Variants in PCDH19 observed in about 807,000 individuals in gnomAD.
PCDH19 encodes protocadherin 19, also known as protocadherin-19.
Under a neutral mutation model 46.2 loss-of-function variants are expected in PCDH19, and 6 were observed. The ratio of observed to expected loss-of-function variants is 0.13; its 90% confidence interval spans 0.07 to 0.26. The LOEUF is 0.26. Ranked by LOEUF, PCDH19 falls within the 10% of genes least tolerant of loss-of-function variation. PCDH19 has a pLI of 1.00. For missense variants in PCDH19, 740 were observed against 972.3 expected, an observed-to-expected ratio of 0.76 and a Z score of 3.18; for synonymous variants, 481 against 415.7, an observed-to-expected ratio of 1.16 and a Z score of -1.91.
intron 5 of PCDH19, among the ~76,000 whole-genome samples, chrX:100,335,594 C>G (rs920919617): frequency 9.0e-6 from 1 of 111,646 alleles, no homozygotes; most frequent in African/African-American, 3.3e-5. Context: ...TTTTAATGGC[C>G]CCAAAATCTA....
intron 5 of PCDH19, among the ~76,000 whole-genome samples, chrX:100,337,808 T>C (rs1926130238): frequency 8.9e-6 from 1 of 111,839 alleles, no homozygotes; most frequent in Admixed American, 9.5e-5. Context: ...TAAAAGCTAT[T>C]ACTGCAAAGA....
intron 5 of PCDH19, among the ~76,000 whole-genome samples, chrX:100,322,850 TATATA>T (rs1925542030): frequency 3.4e-5 from 2 of 58,177 alleles, no homozygotes; most frequent in South Asian, 6.0e-4. Flanking sequence ...TATATATATA[TATATA>T]TATATATATA....
rs1925964905 is a variant in PCDH19 at position 100,333,189 on chromosome X, GAAAGAAAGAAAGAAAGAAAGAA to G, written c.2848+8692_2848+8713del. Among the ~76,000 whole-genome samples the G allele has an allele frequency of 4.2e-3, 301 of 70,901 alleles. 3 individuals are homozygous for G. The highest frequency in any genetic ancestry group is 0.014 in the African/African-American group (237 of 17,255). The allele number at this position is 70,901 out of a possible 115,157, so 61.6% of individuals were successfully genotyped here. On this transcript the variant is annotated intron_variant, in intron 5 of 5. Coordinates refer to ENST00000373034, the MANE Select transcript of PCDH19 (RefSeq NM_001184880.2). ...AGGAAGGAAGGGAGAGAGAGAGAAA[GAAAGAAAGAAAGAAAGAAAGAA>G]AGAAAGAAAGAAAGAAAGAAAGAAA...
At chrX:100,402,481 G>A (rs1928212689) in intron 3 of PCDH19, 43 bp downstream of exon 3, 1 of 1,083,204 alleles carries the variant, frequency 9.2e-7, no homozygotes, top group African/African-American at 1.8e-5. Context: ...AGCTAAAGAA[G>A]GAGACCTGGG....
intron 3 of PCDH19, among the ~76,000 whole-genome samples, chrX:100,377,365 GATAC>G (rs1286502117): frequency 4.5e-5 from 5 of 111,854 alleles, no homozygotes; most frequent in African/African-American, 1.6e-4. Context: ...AAATACGCCA[GATAC>G]TAAACTGTTT....
At chrX:100,372,339 G>C (rs1489995443) in intron 3 of PCDH19, among the ~76,000 whole-genome samples, 2 of 112,083 alleles carry the variant, frequency 1.8e-5, no homozygotes, top group Non-Finnish European at 3.8e-5. Context: ...GGGACACCTG[G>C]AGAACCCTAA....
At chrX:100,346,444 T>C (rs59522571) in intron 4 of PCDH19, among the ~76,000 whole-genome samples, 4,357 of 111,670 alleles carry the variant, frequency 0.039, 243 homozygotes, top group East Asian at 0.25. Context: ...ACAATCACCT[T>C]GGGAACCTGT....
rs1429555639 is a variant in PCDH19, at chrX:100,407,566, C to T, written c.1032G>A (p.Pro344=). 3.3e-6 allele frequency: 4 copies of T among 1,211,172 alleles called. No individual in the cohort carries two copies. The highest frequency in any genetic ancestry group is 3.4e-6 in the Non-Finnish European group (3 of 895,316). ...TGTTGACTGACAGCAGGTTGATGAC[C>T]GGCGGATTGTCATTGGTGTCCAGCA... ...VSVLDTNDNP[P]VINLLSVNSE... Residue 344 remains proline, a synonymous_variant, in exon 1 of 6, where the codon CCG becomes CCA. Coordinates refer to ENST00000373034, the MANE Select transcript of PCDH19 (RefSeq NM_001184880.2).
At chrX:100,377,736 C>T (rs1927430068) in intron 3 of PCDH19, among the ~76,000 whole-genome samples, 2 of 111,854 alleles carry the variant, frequency 1.8e-5, no homozygotes, top group Non-Finnish European at 3.8e-5. Context: ...CAGCACTGAA[C>T]ACAACTTAAC....
rs779136255 is a variant in PCDH19 at position 100,403,522 on chromosome X, A to ACCTCTTTCCCCTTAGGCTCACTTTCTC, written c.2263_2288+1dup. 3.2e-5 allele frequency: 38 copies of ACCTCTTTCCCCTTAGGCTCACTTTCTC among 1,200,396 alleles called. No homozygotes were observed. The highest frequency in any genetic ancestry group is 3.9e-5 in the Non-Finnish European group (35 of 892,197). On this transcript the variant is annotated splice_donor_variant, in intron 2 of 5. Transcript: ENST00000373034. LOFTEE classifies it high-confidence loss of function. The stretch of plus-strand genomic sequence containing the variant: ...TTTAAATGAGGGGAAATGCCTTTTT[A>ACCTCTTTCCCCTTAGGCTCACTTTCTC]CCTCTTTCCCCTTAGGCTCACTTTC...
rs752483386 is a variant in PCDH19 at position 100,371,409 on chromosome X, AG to A, written c.2617-20706del. ...CCTGTACTTTGGGCTCCAAAAGGGTAGGGGCAAGTGTGTTTTGTCCTTAAAT... is the reference window on the plus strand; with the variant it reads ...CCTGTACTTTGGGCTCCAAAAGGGTAGGGCAAGTGTGTTTTGTCCTTAAAT... On this transcript the variant is annotated intron_variant, in intron 3 of 5. Coordinates refer to ENST00000373034, the MANE Select transcript of PCDH19 (RefSeq NM_001184880.2). Among the ~76,000 whole-genome samples the A allele has an allele frequency of 6.6e-4, 73 of 111,362 alleles. 1 individual carries two copies. In the East Asian group the frequency reaches 0.02, roughly 30 times the overall value.
At chrX:100,322,833 G>GTGTATATATATATATATATATATA (rs1322393906) in intron 5 of PCDH19, among the ~76,000 whole-genome samples, 11 of 48,791 alleles carry the variant, frequency 2.3e-4, no homozygotes, top group African/African-American at 1.1e-3. Flanking sequence ...ATATTCCTAA[G>GTGTATATATATATATATATATATA]TATATATATA....
At chrX:100,331,674 A>G (rs1048043767) in intron 5 of PCDH19, among the ~76,000 whole-genome samples, 3 of 111,500 alleles carry the variant, frequency 2.7e-5, no homozygotes, top group Non-Finnish European at 5.6e-5. Flanking sequence ...GGTTTCCCCT[A>G]TGCTGTTCTG....
chrX:100,310,445 C>T (rs12156771), intron 5 of PCDH19, among the ~76,000 whole-genome samples: 36,215 of 110,106 alleles, frequency 0.33, 5,334 homozygotes, highest in East Asian at 0.66. Context: ...CAGAGATTGA[C>T]TAGACTGAAA....
At chrX:100,358,622 G>A (rs981485582) in intron 3 of PCDH19, among the ~76,000 whole-genome samples, 1 of 112,062 alleles carries the variant, frequency 8.9e-6, no homozygotes, top group African/African-American at 3.2e-5. Flanking sequence ...TTCAAAGCCT[G>A]CTGAAAGACG....
At position 100,334,719 on chromosome X, in the gene PCDH19, C is replaced by G. The variant is rs150482157; in HGVS notation, c.2848+7184G>C. Among the ~76,000 whole-genome samples, 152 of 108,411 alleles carry G rather than the reference C, an allele frequency of 1.4e-3. No homozygotes were observed. In the East Asian group the frequency reaches 0.04, roughly 28 times the overall value. 94.1% of individuals were successfully genotyped at this position (108,411 alleles called of 115,157 possible). A position where few individuals can be genotyped will look rare whatever the true frequency, so the allele number is the denominator to read the frequency against. On this transcript the variant is annotated intron_variant, in intron 5 of 5. Coordinates refer to ENST00000373034, the MANE Select transcript of PCDH19 (RefSeq NM_001184880.2). ...ACTTGTCAATCACTCTTTTTAGAGA[C>G]TCTCTGCAGGAACCGCATAACATAT...
Position 100,341,844 on chromosome X carries a change from A to G in PCDH19, c.2848+59T>C, listed in dbSNP as rs1569297017. On this transcript the variant is annotated intron_variant, in intron 5 of 5. Transcript: ENST00000373034. ...TTAAGCAAAGTAGTATAGTGTGCCT[A>G]CAAACATTTTGGGTTCTTTGGAGTC... 7.5e-6 allele frequency: 8 copies of G among 1,063,028 alleles called. No individual in the cohort carries two copies. The East Asian group carries it at 1.8e-4, about 24-fold the overall frequency. 87.6% of individuals were successfully genotyped at this position (1,063,028 alleles called of 1,213,427 possible).
rs1927425226 is a variant in PCDH19 at position 100,377,536 on chromosome X, A to G, written c.2616+24988T>C. ...GTAAACTCCGCAGTATCTAGCCCAG[A>G]CTGATGCATAGGTGTTCAATACCAC... On this transcript the variant is annotated intron_variant, in intron 3 of 5. Transcript: ENST00000373034. 7.1e-5 allele frequency among the ~76,000 whole-genome samples: 8 copies of G among 112,050 alleles called. No homozygotes were observed. The South Asian group carries it at 3.0e-3, about 42-fold the overall frequency.
At chrX:100,389,388 T>TGGG (rs369094787) in intron 3 of PCDH19, among the ~76,000 whole-genome samples, 3 of 104,504 alleles carry the variant, frequency 2.9e-5, no homozygotes, top group African/African-American at 1.1e-4. Flanking sequence ...CCAGGGGTTG[T>TGGG]GGGTGGGGGA....
Sources: allele counts gnomAD v4.1 joint callset (sites outside exome capture counted in the v4.1 genomes callset), GRCh38; gene constraint gnomAD v4.1.1; transcripts MANE v1.5; gene names NCBI Gene and HGNC (gene_info 2026-07-23, HGNC 2026-07-21).